ABI3BP: variants seen among roughly 807,000 people sequenced by gnomAD.
The protein encoded by ABI3BP is ABI family member 3 binding protein, also known as target of Nesh-SH3.
In ABI3BP, 216 loss-of-function variants were observed where a neutral mutation model predicts 268.6. That is an observed-to-expected ratio of 0.80 (90% CI 0.72 to 0.90). The LOEUF is 0.90. Among genes scored for constraint, ABI3BP ranks in the 40% least tolerant of loss-of-function variants. ABI3BP has a pLI of 0.00. For missense variants in ABI3BP, 2,090 were observed against 2,182.4 expected, an observed-to-expected ratio of 0.96 and a Z score of 0.84; for synonymous variants, 730 against 730.0, an observed-to-expected ratio of 1.00 and a Z score of 0.00.
chr3:100,970,024 C>G (rs1287929295), intron 1 of ABI3BP, among the ~76,000 whole-genome samples: 1 of 152,098 alleles, frequency 6.6e-6, no homozygotes, highest in Non-Finnish European at 1.5e-5. Flanking sequence ...TGGGGCTACT[C>G]TCATAGGTAC....
intron 1 of ABI3BP, among the ~76,000 whole-genome samples, chr3:100,974,297 CT>C (rs2085037928): frequency 6.6e-6 from 1 of 152,148 alleles, no homozygotes; most frequent in African/African-American, 2.4e-5. Flanking sequence ...ACACAAAGAC[CT>C]ATGTAAGCAA....
At chr3:100,895,292 TAGAA>T (rs1390891927) in intron 4 of ABI3BP, among the ~76,000 whole-genome samples, 8 of 152,106 alleles carry the variant, frequency 5.3e-5, no homozygotes, top group Admixed American at 1.3e-4. Flanking sequence ...GATGTGAACT[TAGAA>T]AGGAATCTTA....
chr3:100,835,846 C>T (rs924927194), intron 27 of ABI3BP, among the ~76,000 whole-genome samples, 186 bp from the exon 28 acceptor site: 8 of 152,146 alleles, frequency 5.3e-5, no homozygotes, highest in African/African-American at 1.7e-4. Context: ...TACCCATACC[C>T]TTTGCATCCC....
At chr3:100,987,774 G>A (rs2092190957) in intron 1 of ABI3BP, among the ~76,000 whole-genome samples, 2 of 152,238 alleles carry the variant, frequency 1.3e-5, no homozygotes, top group South Asian at 2.1e-4. Flanking sequence ...ATATTTCACA[G>A]GTGTGAGGAT....
chr3:100,837,034 G>T (rs2098603939), intron 27 of ABI3BP, 90 bp downstream of exon 27: 5 of 1,234,490 alleles, frequency 4.1e-6, no homozygotes, highest in Middle Eastern at 1.9e-4. Flanking sequence ...AATGGTGAAT[G>T]ACAATTGTGC....
chr3:100,912,632 A>C (rs1256924365), intron 2 of ABI3BP, among the ~76,000 whole-genome samples: 2 of 152,216 alleles, frequency 1.3e-5, no homozygotes, highest in Non-Finnish European at 2.9e-5. Context: ...CACAAGCCAC[A>C]TTTAGCTATA....
At chr3:100,984,753 A>G (rs1275447091) in intron 1 of ABI3BP, among the ~76,000 whole-genome samples, 1 of 152,198 alleles carries the variant, frequency 6.6e-6, no homozygotes, top group Non-Finnish European at 1.5e-5. Context: ...CTGTCCACAG[A>G]ACTTTGCCAA....
chr3:100,798,312 G>A (rs2097415689), intron 51 of ABI3BP, among the ~76,000 whole-genome samples: 1 of 152,104 alleles, frequency 6.6e-6, no homozygotes, highest in Admixed American at 6.6e-5. Flanking sequence ...GAAATCAGTG[G>A]AAAGGAAAGA....
intron 1 of ABI3BP, among the ~76,000 whole-genome samples, chr3:100,968,663 G>A (rs2082258996): frequency 6.6e-6 from 1 of 152,098 alleles, no homozygotes; most frequent in Admixed American, 6.6e-5. Context: ...ATTTTATGTT[G>A]TTGATTTTTT....
intron 62 of ABI3BP, among the ~76,000 whole-genome samples, chr3:100,768,341 G>A (rs538706797): frequency 2.6e-5 from 4 of 152,194 alleles, no homozygotes; most frequent in Admixed American, 2.6e-4. Flanking sequence ...GCCCACCTCA[G>A]CCTCCCAGAG....
At chr3:100,826,056 G>A (rs896489177) in intron 34 of ABI3BP, among the ~76,000 whole-genome samples, 3 of 152,134 alleles carry the variant, frequency 2.0e-5, no homozygotes, top group Non-Finnish European at 4.4e-5. Flanking sequence ...GACCTTTAAA[G>A]AGATAATTAA....
chr3:100,755,679 A>G (rs2095576834), intron 63 of ABI3BP, among the ~76,000 whole-genome samples: 1 of 152,220 alleles, frequency 6.6e-6, no homozygotes, highest in African/African-American at 2.4e-5. Flanking sequence ...TAAGCAAAGC[A>G]AATCTTTTAA....
chr3:100,888,749 T>C (rs1342519173), intron 4 of ABI3BP, among the ~76,000 whole-genome samples: 1 of 152,054 alleles, frequency 6.6e-6, no homozygotes, highest in East Asian at 1.9e-4. Flanking sequence ...GTTAGGTTTG[T>C]CCTTTTCAAC....
At chr3:100,904,397 CAG>C (rs1309786680) in intron 2 of ABI3BP, among the ~76,000 whole-genome samples, 1 of 152,152 alleles carries the variant, frequency 6.6e-6, no homozygotes, top group Non-Finnish European at 1.5e-5. Context: ...GTGGGGGAAA[CAG>C]AAGCAATAAG....
At chr3:100,793,575 C>A (rs978401968) in intron 54 of ABI3BP, among the ~76,000 whole-genome samples, 1 of 151,976 alleles carries the variant, frequency 6.6e-6, no homozygotes. Flanking sequence ...TTGAAAAGTA[C>A]TTTTAACTTT....
chr3:100,778,259 A>AAAGG, intron 59 of ABI3BP, 25 bp downstream of exon 59: 1 of 1,606,734 alleles, frequency 6.2e-7, no homozygotes, highest in Non-Finnish European at 8.5e-7. Flanking sequence ...CATGGCGGGA[A>AAAGG]AAGGAAGGTA....
At chr3:100,832,982 TA>T in intron 30 of ABI3BP, 142 bp downstream of exon 30, 1 of 713,226 alleles carries the variant, frequency 1.4e-6, no homozygotes, top group Non-Finnish European at 2.2e-6. Flanking sequence ...CATATTTCTT[TA>T]AAAAGCAAGC....
chr3:100,784,588 T>C (rs1251679806), intron 57 of ABI3BP, among the ~76,000 whole-genome samples: 1 of 152,212 alleles, frequency 6.6e-6, no homozygotes, highest in African/African-American at 2.4e-5. Context: ...TGTATGTTTA[T>C]TGCAGCACAA....
chr3:100,750,228 T>C lies in ABI3BP; in HGVS notation c.*267A>G, dbSNP rs552129023. 1.3e-4 allele frequency: 39 copies of C among 305,142 alleles called. No individual in the cohort carries two copies. The highest frequency in any genetic ancestry group is 1.1e-3 in the Admixed American group (23 of 20,830). 18.9% of individuals were successfully genotyped at this position (305,142 alleles called of 1,614,324 possible). ...AACAGTGTGATAAATAATATACAAA[T>C]GATCTCTTAAAATACCATGAATAGG... is the stretch of plus-strand genomic sequence containing the variant. On this transcript the variant is annotated 3_prime_UTR_variant, in exon 68 of 68. Coordinates refer to ENST00000471714, the MANE Select transcript of ABI3BP (RefSeq NM_001375547.2).
Sources: gnomAD v4.1 joint callset for allele counts (sites outside exome capture counted in the v4.1 genomes callset) on GRCh38, gnomAD v4.1.1 for gene constraint, MANE v1.5 for transcripts, NCBI Gene and HGNC (gene_info 2026-07-23, HGNC 2026-07-21) for gene names.